FRY: variants seen among roughly 807,000 people sequenced by gnomAD.
FRY encodes the protein FRY microtubule binding protein, also known as protein furry homolog.
Under a neutral mutation model 348.4 loss-of-function variants are expected in FRY, and 128 were observed. The ratio of observed to expected loss-of-function variants is 0.37; its 90% CI spans 0.32 to 0.43. FRY has a LOEUF of 0.43. Among genes scored for constraint, FRY ranks in the 20% least tolerant of loss-of-function variants. FRY has a pLI of 1.00. For synonymous variants in FRY, 1,370 were observed against 1,374.7 expected, an observed-to-expected ratio of 1.00 and a Z score of 0.08; for missense variants, 2,736 against 3,695.2, an observed-to-expected ratio of 0.74 and a Z score of 6.73.
rs561209832 is a variant in FRY at position 32,114,690 on chromosome 13, C to T, written c.325-2644C>T. Among the ~76,000 whole-genome samples the T allele has an allele frequency of 2.9e-3, 445 of 152,294 alleles. 1 individual carries two copies. The highest frequency in any genetic ancestry group is 4.9e-3 in the Non-Finnish European group (334 of 68,016). The stretch of plus-strand genomic sequence containing the variant: ...AAGATAGTCATCCTATAGTCAGAAA[C>T]TCTGAATTCTGATCCCTTTTTCTTC... On this transcript the variant is annotated intron_variant, in intron 3 of 60. Transcript: ENST00000542859.
At chr13:32,139,203 A>G (rs1879903108) in intron 11 of FRY, among the ~76,000 whole-genome samples, 1 of 152,228 alleles carries the variant, frequency 6.6e-6, no homozygotes, top group South Asian at 2.1e-4. Context: ...AGGAAGAAAT[A>G]CCTGAGAAAA....
chr13:32,085,931 GC>G (rs761137518), intron 2 of FRY: 1 of 518,984 alleles, frequency 1.9e-6, no homozygotes, highest in Non-Finnish European at 3.8e-6. Flanking sequence ...GATGACAGAG[GC>G]AAACAAAGTA....
chr13:32,219,716 G>T (rs924612158), intron 36 of FRY, among the ~76,000 whole-genome samples: 3 of 151,940 alleles, frequency 2.0e-5, no homozygotes, highest in Non-Finnish European at 2.9e-5. Context: ...CCGAGATCGC[G>T]CCACTGCACT....
At chr13:32,211,389 G>T (rs1593747227) in intron 34 of FRY, among the ~76,000 whole-genome samples, 1 of 152,216 alleles carries the variant, frequency 6.6e-6, no homozygotes, top group South Asian at 2.1e-4. Flanking sequence ...AACCCACGAG[G>T]CAGAGGTGGC....
chr13:32,207,037 G>C (rs529003657), intron 31 of FRY, among the ~76,000 whole-genome samples: 107 of 152,206 alleles, frequency 7.0e-4, no homozygotes, highest in African/African-American at 2.4e-3. Context: ...ACCCTTGACT[G>C]TCCAGGAGCT....
At chr13:32,173,306 G>C in intron 18 of FRY, 61 bp from the exon 19 acceptor site, 1 of 1,263,330 alleles carries the variant, frequency 7.9e-7, no homozygotes, top group Non-Finnish European at 1.2e-6. Context: ...TAAAACATGA[G>C]TGTATTCTTC....
At chr13:32,056,403 C>T (rs1293370886) in intron 1 of FRY, among the ~76,000 whole-genome samples, 6 of 152,182 alleles carry the variant, frequency 3.9e-5, no homozygotes, top group Non-Finnish European at 8.8e-5. Flanking sequence ...TCCTAATACA[C>T]ATTTTCAGGT....
At chr13:32,201,513 T>A (rs73169119) in intron 29 of FRY, among the ~76,000 whole-genome samples, 6,953 of 152,356 alleles carry the variant, frequency 0.046, 347 homozygotes, top group East Asian at 0.28. Flanking sequence ...TGATAGTTGT[T>A]TGGCACTTAA....
chr13:32,273,138 G>C (rs1177742355), intron 55 of FRY, among the ~76,000 whole-genome samples: 1 of 151,930 alleles, frequency 6.6e-6, no homozygotes, highest in East Asian at 1.9e-4. Flanking sequence ...CGAGATTATG[G>C]AAAGATTGTA....
intron 31 of FRY, among the ~76,000 whole-genome samples, chr13:32,207,572 G>T (rs982013337): frequency 6.6e-6 from 1 of 152,092 alleles, no homozygotes; most frequent in Non-Finnish European, 1.5e-5. Flanking sequence ...GACTTTATAA[G>T]GATTTGAGTA....
intron 29 of FRY, among the ~76,000 whole-genome samples, chr13:32,198,807 A>C (rs1222814620): frequency 6.6e-6 from 1 of 152,198 alleles, no homozygotes; most frequent in Admixed American, 6.5e-5. Flanking sequence ...TTTATTTAAA[A>C]ATACAAGTTA....
chr13:32,275,132 A>C (rs1888460192), intron 56 of FRY, 141 bp downstream of exon 56: 1 of 719,542 alleles, frequency 1.4e-6, no homozygotes, highest in East Asian at 2.9e-5. Context: ...TAATCCCAGC[A>C]CTTTGGGAGG....
intron 1 of FRY, among the ~76,000 whole-genome samples, chr13:32,033,256 C>A (rs1441186958): frequency 6.6e-6 from 1 of 152,136 alleles, no homozygotes; most frequent in African/African-American, 2.4e-5. Context: ...CTTTGTCTAT[C>A]TGCTCTTTGA....
chr13:32,241,233 G>A (rs932710776), intron 46 of FRY, among the ~76,000 whole-genome samples: 1 of 151,366 alleles, frequency 6.6e-6, no homozygotes. Flanking sequence ...AGTGTAGATA[G>A]CAAGGAGGTA....
chr13:32,041,087 C>T (rs1872727056), intron 1 of FRY, among the ~76,000 whole-genome samples: 1 of 152,176 alleles, frequency 6.6e-6, no homozygotes, highest in East Asian at 1.9e-4. Flanking sequence ...GTTTACAACT[C>T]GTGTTTACAA....
At position 32,033,240 on chromosome 13, in the gene FRY, A is replaced by G. The variant is rs149119372; in HGVS notation, c.70+1375A>G. Among the ~76,000 whole-genome samples, 390 of 152,302 alleles carry G rather than the reference A, an allele frequency of 2.6e-3. 1 individual carries two copies. Among genetic ancestry groups the G allele is most frequent in the African/African-American group, 8.7e-3 (362 of 41,556 alleles). On this transcript the variant is annotated intron_variant, in intron 1 of 60. Coordinates refer to ENST00000542859, the MANE Select transcript of FRY (RefSeq NM_023037.3). ...TATAATACTTTACACTCAAGGATGA[A>G]TCTTCCTTTGTCTATCTGCTCTTTG...
intron 55 of FRY, among the ~76,000 whole-genome samples, chr13:32,274,506 C>A (rs976258221): frequency 1.3e-5 from 2 of 151,628 alleles, no homozygotes; most frequent in Non-Finnish European, 2.9e-5. Flanking sequence ...AGATCGAGAC[C>A]ATCCTGGCTA....
chr13:32,209,074 C>T lies in FRY; in HGVS notation c.4240C>T (p.Leu1414=). ...NGWGSPEATS[L]VLNNLMYMTA... ...CTGGGGCTCTCCAGAAGCCACGTCA[C>T]TGGTCCTGAACAACCTCATGTACAT... The change falls in exon 32 of 61, where the codon CTG becomes TTG. Residue 1414 remains leucine, a synonymous_variant. Transcript: ENST00000542859. The T allele has an allele frequency of 6.2e-7, 1 of 1,614,134 alleles. No homozygotes were observed. The highest frequency in any genetic ancestry group is 1.1e-5 in the South Asian group (1 of 91,082).
At chr13:32,101,906 T>G in intron 2 of FRY, 57 bp from the exon 3 acceptor site, 1 of 985,148 alleles carries the variant, frequency 1.0e-6, no homozygotes, top group South Asian at 1.3e-5. Context: ...GGCATTTCTT[T>G]TATACTATTT....
Sources: allele counts gnomAD v4.1 joint callset (sites outside exome capture counted in the v4.1 genomes callset), GRCh38; gene constraint gnomAD v4.1.1; transcripts MANE v1.5; gene names NCBI Gene and HGNC (gene_info 2026-07-23, HGNC 2026-07-21).